Variants in TERF1 observed in about 807,000 individuals in gnomAD.
TERF1 encodes telomeric repeat-binding factor 1.
In TERF1, 20 loss-of-function variants were observed where a neutral mutation model predicts 55.1. The ratio of observed to expected loss-of-function variants is 0.36; its 90% confidence interval spans 0.26 to 0.53. The LOEUF is 0.53. Ranked by LOEUF, TERF1 falls within the 20% of genes least tolerant of loss-of-function variation. The pLI is 0.91. For synonymous variants in TERF1, 168 were observed against 181.2 expected (o/e 0.93, Z 0.59); for missense variants, 439 against 535.7 (o/e 0.82, Z 1.78).
At chr8:73,013,762 A>G in intron 1 of TERF1, 133 bp from the exon 2 acceptor site, 1 of 581,660 alleles carries the variant, frequency 1.7e-6, no homozygotes, top group Non-Finnish European at 3.1e-6. Flanking sequence ...AATTTTAATC[A>G]GATCTTAAAT....
At chr8:73,026,659 C>G (rs749634503) in intron 5 of TERF1, among the ~76,000 whole-genome samples, 8 of 147,900 alleles carry the variant, frequency 5.4e-5, no homozygotes, top group Non-Finnish European at 7.4e-5. Context: ...TTTCATGCAG[C>G]CTTTTCTCTT....
intron 9 of TERF1, among the ~76,000 whole-genome samples, chr8:73,040,631 A>G (rs55666786): frequency 0.031 from 4,702 of 152,184 alleles, 105 homozygotes; most frequent in Middle Eastern, 0.065. Flanking sequence ...CTGAATCTGT[A>G]GTTTGGTGTC....
At chr8:73,037,992 G>A (rs76031168) in intron 8 of TERF1, among the ~76,000 whole-genome samples, 1,542 of 141,496 alleles carry the variant, frequency 0.011, 32 homozygotes, top group African/African-American at 0.039. Flanking sequence ...TCCAAGGTTG[G>A]TTGAATCCAC....
At position 73,011,141 on chromosome 8, in the gene TERF1, A is replaced by AGC. The variant is rs1786995189; in HGVS notation, c.319+1936_319+1937insGC. 4 of 151,736 alleles carry AGC rather than the reference A, an allele frequency of 2.6e-5. No individual in the cohort carries two copies. In the South Asian group the frequency reaches 8.3e-4, roughly 31 times the overall value. The allele number at this position is 151,736 out of a possible 1,614,324, so 9.4% of individuals were successfully genotyped here. On this transcript the variant is annotated intron_variant, in intron 1 of 9. Transcript: ENST00000276603. ...AAAGTCACCAGCAGCATTAGTCCCT[A>AGC]AGGAGAGTCAGCCTGTCCTTTGAAA...
intron 7 of TERF1, 41 bp downstream of exon 7, chr8:73,030,436 TTTGA>T: frequency 1.5e-6 from 2 of 1,340,794 alleles, no homozygotes; most frequent in Non-Finnish European, 2.0e-6. Flanking sequence ...CTTTCAAATC[TTTGA>T]TTGAAGCAAT....
Position 73,008,945 on chromosome 8 carries a change from A to T in TERF1, c.59A>T (p.Asp20Val). Residue 20 changes from aspartate (D) to valine (V), a missense_variant, in exon 1 of 10, where the codon GAT becomes GTT. By Grantham distance (152) the Asp-to-Val change is radical. Around this residue, in one of 4 missense-constraint regions of TERF1, gnomAD observed 179 missense variants for 152.6 expected, o/e 1.17. Transcript: ENST00000276603. ...CCGCGGGGCTGTGCGGATGGTAGGG[A>T]TGCCGACCCTACTGAGGAGCAGATG... Reference protein sequence around the residue: ...PSPRGCADGRDADPTEEQMAE... With the variant: ...PSPRGCADGRVADPTEEQMAE... 1.9e-6 allele frequency: 3 copies of T among 1,612,956 alleles called. No individual in the cohort carries two copies. Among genetic ancestry groups the T allele is most frequent in the Non-Finnish European group, 2.5e-6 (3 of 1,179,688 alleles).
At chr8:73,009,240 G>C (rs747357861) in intron 1 of TERF1, 35 bp downstream of exon 1, 5 of 1,581,058 alleles carry the variant, frequency 3.2e-6, no homozygotes, top group Non-Finnish European at 4.3e-6. Context: ...GGGACTACGC[G>C]GGGGGCGGAT....
At chr8:73,013,737 T>C in intron 1 of TERF1, 158 bp from the exon 2 acceptor site, 1 of 510,904 alleles carries the variant, frequency 2.0e-6, no homozygotes, top group African/African-American at 2.1e-5. Context: ...ATTGCTATTC[T>C]TTTTTTTTGT....
At chr8:73,037,621 ATAT>A (rs1488178989) in intron 8 of TERF1, among the ~76,000 whole-genome samples, 1 of 103,408 alleles carries the variant, frequency 9.7e-6, no homozygotes, top group Non-Finnish European at 1.8e-5. Context: ...TATATATATT[ATAT>A]ATTATATATA....
chr8:73,023,137 T>C (rs916902515), intron 4 of TERF1, among the ~76,000 whole-genome samples: 2 of 152,158 alleles, frequency 1.3e-5, no homozygotes, highest in South Asian at 2.1e-4. Flanking sequence ...GGAACAAATA[T>C]ATGCATTTCT....
intron 6 of TERF1, among the ~76,000 whole-genome samples, chr8:73,027,603 T>C (rs1048908551): frequency 2.0e-5 from 3 of 152,188 alleles, no homozygotes; most frequent in African/African-American, 7.2e-5. Context: ...GTCTTTTGTT[T>C]TAGAAGCTTA....
intron 2 of TERF1, among the ~76,000 whole-genome samples, chr8:73,014,878 G>A (rs977184694): frequency 2.0e-5 from 3 of 152,212 alleles, no homozygotes; most frequent in African/African-American, 7.2e-5. Flanking sequence ...GAACTAGATA[G>A]AGGCAGAATA....
At chr8:73,022,397 C>A in intron 4 of TERF1, 95 bp downstream of exon 4, 1 of 715,594 alleles carries the variant, frequency 1.4e-6, no homozygotes, top group Non-Finnish European at 2.3e-6. Context: ...AATGCTTTAT[C>A]TTTTAAACAG....
intron 8 of TERF1, among the ~76,000 whole-genome samples, chr8:73,036,693 C>T (rs184942778): frequency 4.2e-4 from 64 of 151,504 alleles, no homozygotes; most frequent in African/African-American, 1.4e-3. Context: ...CACCCGCCTA[C>T]CACATGCTTT....
chr8:73,035,327 A>G (rs1041714346), intron 8 of TERF1, among the ~76,000 whole-genome samples: 1 of 151,984 alleles, frequency 6.6e-6, no homozygotes, highest in Non-Finnish European at 1.5e-5. Flanking sequence ...AGACTTTTTT[A>G]CTGACCTATG....
Position 73,037,138 on chromosome 8 carries a change from T to G in TERF1, c.1040-1978T>G, listed in dbSNP as rs568874185. Among the ~76,000 whole-genome samples the G allele has an allele frequency of 4.7e-3, 599 of 128,486 alleles. 5 individuals are homozygous for G. The highest frequency in any genetic ancestry group is 0.016 in the African/African-American group (561 of 35,086). The allele number at this position is 128,486 out of a possible 152,430, so 84.3% of individuals were successfully genotyped here. A position where few individuals can be genotyped will look rare whatever the true frequency, so the allele number is the denominator to read the frequency against. On this transcript the variant is annotated intron_variant, in intron 8 of 9. Coordinates refer to ENST00000276603, the MANE Select transcript of TERF1 (RefSeq NM_017489.3). ...CCCATATATACTATATAATTAATAA[T>G]TTATATATTATAATATATAATAATT...
chr8:73,037,827 AGTAT>A (rs1809650461), intron 8 of TERF1, among the ~76,000 whole-genome samples: 1 of 92,320 alleles, frequency 1.1e-5, no homozygotes, highest in African/African-American at 4.1e-5. Flanking sequence ...TATAATATAT[AGTAT>A]AATAATATAT....
chr8:73,014,124 T>G (rs1169980847), intron 2 of TERF1, 134 bp downstream of exon 2: 7 of 598,540 alleles, frequency 1.2e-5, no homozygotes, highest in Non-Finnish European at 1.5e-5. Context: ...GGGGGTGGTG[T>G]GTGTGTGTGT....
At chr8:73,040,546 A>AT (rs199554231) in intron 9 of TERF1, among the ~76,000 whole-genome samples, 6 of 151,856 alleles carry the variant, frequency 4.0e-5, no homozygotes, top group Non-Finnish European at 7.4e-5. Flanking sequence ...TTTGTGCTGG[A>AT]TTTTTTTTGC....
Sources: allele counts gnomAD v4.1 joint callset (sites outside exome capture counted in the v4.1 genomes callset), GRCh38; gene constraint gnomAD v4.1.1; regional missense constraint gnomAD v4.1.1; transcripts MANE v1.5; gene names NCBI Gene and HGNC (gene_info 2026-07-23, HGNC 2026-07-21).